The following CDH13 variants were observed in gnomAD, a reference collection of about 807,000 sequenced individuals.
The protein encoded by CDH13 is cadherin 13, also known as cadherin-13.
A neutral mutation model predicts 63.8 loss-of-function variants in CDH13; 24 were observed. The ratio of observed to expected loss-of-function variants is 0.38; its 90% CI spans 0.27 to 0.53. The LOEUF is 0.53. Ranked by LOEUF, CDH13 falls within the 20% of genes least tolerant of loss-of-function variation. The pLI is 0.85. For synonymous variants in CDH13, 503 were observed against 355.3 expected, an observed-to-expected ratio of 1.42 and a Z score of -4.67; for missense variants, 1,049 against 903.1, an observed-to-expected ratio of 1.16 and a Z score of -2.07.
intron 2 of CDH13, among the ~76,000 whole-genome samples, chr16:82,927,032 A>G (rs571824589): frequency 4.1e-4 from 62 of 151,992 alleles, no homozygotes; most frequent in Admixed American, 1.7e-3. Context: ...GGGTAACTCA[A>G]TAGCTGGAGG....
chr16:82,793,909 G>T (rs907796569), intron 1 of CDH13, among the ~76,000 whole-genome samples: 21 of 152,136 alleles, frequency 1.4e-4, no homozygotes, highest in Non-Finnish European at 2.6e-4. Context: ...AGTAGGAGTG[G>T]ATTTAAGTAA....
At chr16:83,350,444 C>T (rs1030934644) in intron 6 of CDH13, among the ~76,000 whole-genome samples, 1 of 152,246 alleles carries the variant, frequency 6.6e-6, no homozygotes, top group Non-Finnish European at 1.5e-5. Context: ...ATGTCTGATC[C>T]TTCTTCTTGA....
chr16:83,245,229 G>C (rs1032176944), intron 5 of CDH13, among the ~76,000 whole-genome samples: 1 of 151,796 alleles, frequency 6.6e-6, no homozygotes, highest in Non-Finnish European at 1.5e-5. Context: ...CTGGCTCTCT[G>C]CCACCCCCCA....
intron 10 of CDH13, among the ~76,000 whole-genome samples, chr16:83,729,505 A>G (rs1210827079): frequency 6.6e-6 from 1 of 152,096 alleles, no homozygotes; most frequent in Non-Finnish European, 1.5e-5. Flanking sequence ...AGATACCACT[A>G]CTCCTAAGAC....
intron 6 of CDH13, among the ~76,000 whole-genome samples, chr16:83,416,523 T>C (rs1255717647): frequency 6.6e-6 from 1 of 152,214 alleles, no homozygotes; most frequent in African/African-American, 2.4e-5. Context: ...ATTCAGTTAA[T>C]AACATTTTCT....
intron 3 of CDH13, among the ~76,000 whole-genome samples, chr16:83,055,102 G>C (rs1030111116): frequency 2.0e-5 from 3 of 151,874 alleles, no homozygotes; most frequent in Non-Finnish European, 2.9e-5. Flanking sequence ...GGTAAAATAA[G>C]AAATAATAGT....
intron 3 of CDH13, among the ~76,000 whole-genome samples, chr16:83,095,507 A>G (rs1447588578): frequency 2.0e-5 from 3 of 152,222 alleles, no homozygotes; most frequent in Admixed American, 2.0e-4. Flanking sequence ...TCTCAAAGGC[A>G]TTAATAACTA....
chr16:83,264,679 C>T (rs1468233396), intron 5 of CDH13, among the ~76,000 whole-genome samples: 1 of 151,398 alleles, frequency 6.6e-6, no homozygotes, highest in East Asian at 1.9e-4. Flanking sequence ...CTATGGCTTG[C>T]AGCTTACCCC....
intron 1 of CDH13, among the ~76,000 whole-genome samples, chr16:82,769,802 CG>C (rs760042534): frequency 6.6e-6 from 1 of 152,112 alleles, no homozygotes; most frequent in Non-Finnish European, 1.5e-5. Flanking sequence ...ACACATTTAC[CG>C]GAATGCATTG....
At chr16:82,928,108 A>G (rs1256240435) in intron 2 of CDH13, among the ~76,000 whole-genome samples, 1 of 151,960 alleles carries the variant, frequency 6.6e-6, no homozygotes, top group African/African-American at 2.4e-5. Context: ...TGATCATACC[A>G]TTTGTACTAT....
chr16:82,658,043 T>C (rs34204567), intron 1 of CDH13, among the ~76,000 whole-genome samples: 26,337 of 152,244 alleles, frequency 0.17, 2,446 homozygotes, highest in Middle Eastern at 0.23. Context: ...ATGTTAGTTG[T>C]AGGCTTTTTG....
intron 1 of CDH13, chr16:82,829,322 T>G (rs2038414654): frequency 1.3e-5 from 2 of 152,168 alleles, no homozygotes; most frequent in Non-Finnish European, 2.9e-5. Context: ...ACCGCCTGAC[T>G]AGGATGATGG....
chr16:82,809,480 A>G lies in CDH13; in HGVS notation c.46-48882A>G, dbSNP rs536879158. Among the ~76,000 whole-genome samples the G allele has an allele frequency of 3.1e-4, 47 of 152,254 alleles. No homozygotes were observed. The East Asian group carries it at 8.7e-3, about 28-fold the overall frequency. ...CATTAAGAATTCGCTCAGGGCATGT[A>G]AAGATGGCTGAGCAGCTTCTTTAAG... On this transcript the variant is annotated intron_variant, in intron 1 of 13. Coordinates refer to ENST00000567109, the MANE Select transcript of CDH13 (RefSeq NM_001257.5).
chr16:82,654,832 A>G (rs11864864), intron 1 of CDH13, among the ~76,000 whole-genome samples: 70,911 of 151,820 alleles, frequency 0.47, 16,583 homozygotes, highest in East Asian at 0.51. Flanking sequence ...TAACAAAGGT[A>G]TGTGCCTGGC....
intron 2 of CDH13, among the ~76,000 whole-genome samples, chr16:82,944,915 G>T (rs552141394): frequency 1.3e-5 from 2 of 152,118 alleles, no homozygotes; most frequent in South Asian, 4.2e-4. Flanking sequence ...GTAGTTAAGA[G>T]AAATTTTAAA....
intron 7 of CDH13, among the ~76,000 whole-genome samples, chr16:83,585,434 G>A (rs1267284596): frequency 2.0e-5 from 3 of 152,148 alleles, no homozygotes; most frequent in African/African-American, 7.2e-5. Context: ...ACACGAGGGG[G>A]CCCCAGTTTT....
At chr16:83,445,638 C>G (rs2072665437) in intron 6 of CDH13, among the ~76,000 whole-genome samples, 1 of 152,308 alleles carries the variant, frequency 6.6e-6, no homozygotes, top group Non-Finnish European at 1.5e-5. Context: ...TAAAGACCAT[C>G]ATGTTTTTTC....
At chr16:82,734,638 A>G (rs2033576450) in intron 1 of CDH13, among the ~76,000 whole-genome samples, 1 of 152,228 alleles carries the variant, frequency 6.6e-6, no homozygotes, top group Non-Finnish European at 1.5e-5. Flanking sequence ...TATGGAAAGC[A>G]GGGGCAGGAA....
At chr16:82,839,697 G>C (rs948134848) in intron 1 of CDH13, among the ~76,000 whole-genome samples, 1 of 152,142 alleles carries the variant, frequency 6.6e-6, no homozygotes, top group Admixed American at 6.5e-5. Flanking sequence ...GGGCTTATTT[G>C]CCCTTGGAAC....
Sources: allele counts gnomAD v4.1 joint callset (sites outside exome capture counted in the v4.1 genomes callset), GRCh38; gene constraint gnomAD v4.1.1; transcripts MANE v1.5; gene names NCBI Gene and HGNC (gene_info 2026-07-23, HGNC 2026-07-21).